The following MACROD2 variants were observed in gnomAD, a reference collection of about 807,000 sequenced individuals.
MACROD2 encodes the protein mono-ADP ribosylhydrolase 2.
In MACROD2, 36 loss-of-function variants were observed where a neutral mutation model predicts 70.4. That is an observed-to-expected ratio of 0.51 (90% CI 0.39 to 0.68). The LOEUF is 0.68. Ranked by LOEUF, MACROD2 falls within the 30% of genes least tolerant of loss-of-function variation. The pLI, the probability that MACROD2 is intolerant of heterozygous loss-of-function variation, is 0.00. For synonymous variants in MACROD2, 172 were observed against 178.8 expected (o/e 0.96, Z 0.30); for missense variants, 496 against 538.4 (o/e 0.92, Z 0.78).
intron 8 of MACROD2, among the ~76,000 whole-genome samples, chr20:15,821,351 G>A (rs923502699): frequency 6.6e-6 from 1 of 151,418 alleles, no homozygotes; most frequent in Non-Finnish European, 1.5e-5. Flanking sequence ...TTACTTGGTT[G>A]TAATTTGTAT....
In MACROD2 at chr20:15,230,006, C is replaced by A. The variant is rs765845483; in HGVS notation, c.485C>A (p.Ala162Glu). The change falls in exon 6 of 18, where the codon GCA (alanine) becomes GAA (glutamate). Residue 162 changes from alanine to glutamate, a missense_variant. By Grantham distance (107) the Ala-to-Glu change is moderately radical. Transcript: ENST00000684519. ...HINGSHKEDL[A>E]NCYKSSLKLV... ...AATGGTTCCCACAAGGAAGACCTTG[C>A]AAATTGCTATAAATCATCTCTGAAG... 2 of 1,613,500 alleles carry A rather than the reference C, an allele frequency of 1.2e-6. No homozygotes were observed. The highest frequency in any genetic ancestry group is 2.2e-5 in the East Asian group (1 of 44,844).
intron 5 of MACROD2, among the ~76,000 whole-genome samples, chr20:15,110,942 C>T (rs557233369): frequency 6.6e-6 from 1 of 152,180 alleles, no homozygotes; most frequent in Non-Finnish European, 1.5e-5. Context: ...ATGTGCTGGA[C>T]ACTGTGCTCA....
chr20:15,747,632 T>C (rs1286514776), intron 8 of MACROD2, among the ~76,000 whole-genome samples: 3 of 152,190 alleles, frequency 2.0e-5, no homozygotes, highest in Admixed American at 2.0e-4. Context: ...TCAATGGACT[T>C]TTGTATATTA....
intron 5 of MACROD2, among the ~76,000 whole-genome samples, chr20:15,070,875 G>A (rs2075613774): frequency 6.6e-6 from 1 of 151,098 alleles, no homozygotes; most frequent in Non-Finnish European, 1.5e-5. Context: ...TTTTCACTAG[G>A]GTAAACTTGA....
chr20:15,181,124 C>T (rs1398730577), intron 5 of MACROD2, among the ~76,000 whole-genome samples: 1 of 152,162 alleles, frequency 6.6e-6, no homozygotes, highest in Non-Finnish European at 1.5e-5. Context: ...CCCTGCAGAA[C>T]CCGAGTATAG....
chr20:14,254,884 T>C (rs1381336774), intron 3 of MACROD2, among the ~76,000 whole-genome samples: 1 of 152,090 alleles, frequency 6.6e-6, no homozygotes, highest in African/African-American at 2.4e-5. Flanking sequence ...CTGGTACCGG[T>C]TGTTCCTTTC....
chr20:14,059,358 A>C (rs2148654524), intron 2 of MACROD2, among the ~76,000 whole-genome samples: 1 of 152,336 alleles, frequency 6.6e-6, no homozygotes, highest in Middle Eastern at 3.4e-3. Context: ...TAAGCACCAG[A>C]CACTGTCCTA....
chr20:15,658,325 C>A (rs530337208), intron 8 of MACROD2, among the ~76,000 whole-genome samples: 53 of 151,422 alleles, frequency 3.5e-4, no homozygotes, highest in Non-Finnish European at 6.6e-4. Context: ...TGTCCTTAAA[C>A]ACATGACTGC....
intron 8 of MACROD2, among the ~76,000 whole-genome samples, chr20:15,701,570 T>C (rs941767305): frequency 1.3e-4 from 20 of 152,200 alleles, no homozygotes; most frequent in African/African-American, 4.8e-4. Context: ...CAGTACTTTC[T>C]CCTTTCAGTG....
At chr20:15,521,363 A>C (rs867422508) in intron 8 of MACROD2, among the ~76,000 whole-genome samples, 1 of 152,236 alleles carries the variant, frequency 6.6e-6, no homozygotes, top group Non-Finnish European at 1.5e-5. Flanking sequence ...TTGTATTCCC[A>C]TAAATTCTGT....
chr20:15,216,265 A>G (rs2076809193), intron 5 of MACROD2, among the ~76,000 whole-genome samples: 1 of 152,142 alleles, frequency 6.6e-6, no homozygotes, highest in South Asian at 2.1e-4. Context: ...TCATGATGTG[A>G]TTATTACATA....
intron 3 of MACROD2, among the ~76,000 whole-genome samples, chr20:14,268,664 T>A (rs1030568167): frequency 2.6e-5 from 4 of 152,208 alleles, no homozygotes. Flanking sequence ...CCAGGACTAA[T>A]TCTTTTTTCT....
At chr20:14,032,304 A>G (rs1408330230) in intron 2 of MACROD2, among the ~76,000 whole-genome samples, 1 of 152,052 alleles carries the variant, frequency 6.6e-6, no homozygotes, top group African/African-American at 2.4e-5. Context: ...ATGTGTGAGG[A>G]TTTTTTGTGA....
At chr20:15,157,947 A>T (rs572725805) in intron 5 of MACROD2, among the ~76,000 whole-genome samples, 1 of 152,234 alleles carries the variant, frequency 6.6e-6, no homozygotes, top group Admixed American at 6.5e-5. Context: ...AGGGTGCTTT[A>T]TCATTTTACA....
intron 5 of MACROD2, among the ~76,000 whole-genome samples, chr20:15,017,427 G>T (rs1223746497): frequency 6.6e-6 from 1 of 152,180 alleles, no homozygotes; most frequent in East Asian, 1.9e-4. Flanking sequence ...CTTCCTGGCT[G>T]CTTTCACGGG....
chr20:15,639,070 C>T (rs575991563), intron 8 of MACROD2, among the ~76,000 whole-genome samples: 68 of 152,164 alleles, frequency 4.5e-4, no homozygotes, highest in African/African-American at 1.5e-3. Context: ...GGGCTTATCT[C>T]GGGCTGCATT....
intron 7 of MACROD2, among the ~76,000 whole-genome samples, chr20:15,451,705 A>G (rs1321077911): frequency 6.6e-6 from 1 of 152,160 alleles, no homozygotes; most frequent in Non-Finnish European, 1.5e-5. Flanking sequence ...ATGAGGCCTC[A>G]CGCTGATCTG....
At chr20:14,669,436 T>C (rs924358258) in intron 4 of MACROD2, among the ~76,000 whole-genome samples, 1 of 148,108 alleles carries the variant, frequency 6.8e-6, no homozygotes, top group Non-Finnish European at 1.5e-5. Flanking sequence ...TTTAATCCTT[T>C]ATCATCTTAC....
At position 14,773,514 on chromosome 20, in the gene MACROD2, C is replaced by T. The variant is rs962412502; in HGVS notation, c.418+88555C>T. On this transcript the variant is annotated intron_variant, in intron 5 of 17. Transcript: ENST00000684519. ...TTCTTTCACTTAGCATAATGTCCTGCAGGTTCTTTCATGTTGTCATGTTAT... is the reference window on the plus strand; with the variant it reads ...TTCTTTCACTTAGCATAATGTCCTGTAGGTTCTTTCATGTTGTCATGTTAT... Among the ~76,000 whole-genome samples the T allele has an allele frequency of 4.6e-5, 7 of 152,028 alleles. 1 individual carries two copies. The highest frequency in any genetic ancestry group is 1.7e-4 in the African/African-American group (7 of 41,358).
Sources: allele counts gnomAD v4.1 joint callset (sites outside exome capture counted in the v4.1 genomes callset), GRCh38; gene constraint gnomAD v4.1.1; transcripts MANE v1.5; gene names NCBI Gene and HGNC (gene_info 2026-07-23, HGNC 2026-07-21).